ASB13: variants seen among roughly 807,000 people sequenced by gnomAD.
ASB13 encodes ankyrin repeat and SOCS box protein 13.
ASB13 carries 33 observed loss-of-function variants against 28.8 expected under a neutral mutation model. That is an observed-to-expected ratio of 1.15 (90% CI 0.87 to 1.53). The LOEUF (loss-of-function observed/expected upper bound fraction) is 1.53. Ranked by LOEUF, ASB13 falls within the 40% of genes most tolerant of loss-of-function variation. The pLI, the probability that ASB13 is intolerant of heterozygous loss-of-function variation, is 0.00. For missense variants in ASB13, 414 were observed against 390.1 expected, an observed-to-expected ratio of 1.06 and a Z score of -0.52; for synonymous variants, 182 against 172.9, an observed-to-expected ratio of 1.05 and a Z score of -0.41.
At chr10:5,657,952 A>T (rs955823504) in intron 1 of ASB13, among the ~76,000 whole-genome samples, 7 of 148,646 alleles carry the variant, frequency 4.7e-5, no homozygotes, top group African/African-American at 1.5e-4. Flanking sequence ...GTTCGAGACC[A>T]GCATGGCCAA....
At chr10:5,653,584 G>C (rs1835023219) in intron 1 of ASB13, among the ~76,000 whole-genome samples, 1 of 152,158 alleles carries the variant, frequency 6.6e-6, no homozygotes, top group South Asian at 2.1e-4. Context: ...GGCTTCCTCA[G>C]GCTTGTCTAT....
intron 4 of ASB13, 53 bp downstream of exon 4, chr10:5,648,917 C>G (rs1027651779): frequency 6.2e-7 from 1 of 1,602,620 alleles, no homozygotes; most frequent in African/African-American, 1.3e-5. Flanking sequence ...TAAACACCCG[C>G]TCGGGCAAAC....
At chr10:5,662,051 C>T (rs564637977) in intron 1 of ASB13, among the ~76,000 whole-genome samples, 19 of 152,134 alleles carry the variant, frequency 1.2e-4, no homozygotes, top group Non-Finnish European at 2.5e-4. Flanking sequence ...CTGGAAGAAC[C>T]AAGGCAGGCA....
In ASB13 at chr10:5,660,376, C is replaced by A. The variant is rs1835141124; in HGVS notation, c.43+6133G>T. Among the ~76,000 whole-genome samples, 1 of 152,172 alleles carries A rather than the reference C, an allele frequency of 6.6e-6. No homozygotes were observed. Among genetic ancestry groups the A allele is most frequent in the Non-Finnish European group, 1.5e-5 (1 of 68,034 alleles). ...TCTTGCCCCTTTGCTGGGGCCCCGA[C>A]ACCCTCCCATCTAAGGCTGTGCCCT... On this transcript the variant is annotated intron_variant, in intron 1 of 5. Coordinates refer to ENST00000357700, the MANE Select transcript of ASB13 (RefSeq NM_024701.4). The surrounding 1 kb of genome is among the most constrained non-coding windows in gnomAD (Gnocchi z 6.1).
rs1003010476 is a variant in ASB13 at position 5,645,200 on chromosome 10, C to G, written c.518-3239G>C. On this transcript the variant is annotated intron_variant, in intron 4 of 5. Coordinates refer to ENST00000357700, the MANE Select transcript of ASB13 (RefSeq NM_024701.4). This position sits in a 1 kb window ranked among gnomAD's most constrained non-coding sequence, Gnocchi z 5.4. ...CTGGCACAATCCTGGAACATAAACA[C>G]AAATAGCTCAATAGGTGCTTGTTAC... Among the ~76,000 whole-genome samples, 2 of 150,030 alleles carry G rather than the reference C, an allele frequency of 1.3e-5. No homozygotes were observed. Among genetic ancestry groups the G allele is most frequent in the African/African-American group, 4.9e-5 (2 of 40,620 alleles).
Position 5,654,136 on chromosome 10 carries a change from T to C in ASB13, c.44-1086A>G, listed in dbSNP as rs77400378. The stretch of plus-strand genomic sequence containing the variant: ...AAGGACGATGTTAACTGGGTTTTCT[T>C]CTTTTTTTCTTTTTTTTTTTTTTTG... On this transcript the variant is annotated intron_variant, in intron 1 of 5. Coordinates refer to ENST00000357700, the MANE Select transcript of ASB13 (RefSeq NM_024701.4). Among the ~76,000 whole-genome samples, 26 of 109,032 alleles carry C rather than the reference T, an allele frequency of 2.4e-4. No individual in the cohort carries two copies. The East Asian group carries it at 5.4e-3, about 23-fold the overall frequency. The allele number at this position is 109,032 out of a possible 152,430, so 71.5% of individuals were successfully genotyped here. A position where few individuals can be genotyped will look rare whatever the true frequency, so the allele number is the denominator to read the frequency against.
chr10:5,648,363 TAAACACCCATGCAGGC>T lies in ASB13; in HGVS notation c.517+591_517+606del, dbSNP rs1428732918. Among the ~76,000 whole-genome samples, 279 of 61,350 alleles carry T rather than the reference TAAACACCCATGCAGGC, an allele frequency of 4.5e-3. 1 individual carries two copies. The highest frequency in any genetic ancestry group is 0.014 in the African/African-American group (269 of 19,268). The allele number at this position is 61,350 out of a possible 152,430, so 40.2% of individuals were successfully genotyped here. A position where few individuals can be genotyped will look rare whatever the true frequency, so the allele number is the denominator to read the frequency against. ...CCCACGTGGGCAACACCCACGGGGG[TAAACACCCATGCAGGC>T]AAACACCCACTCAGGCAAACACCCC... On this transcript the variant is annotated intron_variant, in intron 4 of 5. Transcript: ENST00000357700.
rs1275776232 is a variant in ASB13, at chr10:5,666,501, G to A, written c.43+8C>T. The A allele has an allele frequency of 5.4e-6, 7 of 1,292,416 alleles. No individual in the cohort carries two copies. Among genetic ancestry groups the A allele is most frequent in the Middle Eastern group, 2.9e-4 (1 of 3,404 alleles). 80.1% of individuals were successfully genotyped at this position (1,292,416 alleles called of 1,614,324 possible). On this transcript the variant is annotated splice_region_variant and intron_variant, in intron 1 of 5. Transcript: ENST00000357700. Reference sequence around the variant, plus strand: ...CCTCGCTCTGACCTCCGCGGCGCCCGCACGTACCCACGTCGCCCAGGAAGC... The same window carrying A: ...CCTCGCTCTGACCTCCGCGGCGCCCACACGTACCCACGTCGCCCAGGAAGC...
rs922083572 is a variant in ASB13, at chr10:5,642,865, G to A, written c.518-904C>T. ...TTGCCGTGTTGGCCAGGTTGGTCTC[G>A]AACTCCTGGCTACGGGCATGAGCCA... On this transcript the variant is annotated intron_variant, in intron 4 of 5. Transcript: ENST00000357700. The surrounding 1 kb of genome is among the most constrained non-coding windows in gnomAD (Gnocchi z 4.1). Among the ~76,000 whole-genome samples the A allele has an allele frequency of 5.3e-5, 8 of 151,928 alleles. No homozygotes were observed. Among genetic ancestry groups the A allele is most frequent in the African/African-American group, 9.7e-5 (4 of 41,380 alleles).
chr10:5,641,537 AGGTGTCGGCCACAGCT>A lies in ASB13; in HGVS notation c.709+217_709+232del, dbSNP rs1834807240. ...GGAGGCACAGGTCTGGTGCCCGGGCAGGTGTCGGCCACAGCTTCTGCTGCTCCACGCCACGGGCCAC... is the reference window on the plus strand; with the variant it reads ...GGAGGCACAGGTCTGGTGCCCGGGCATCTGCTGCTCCACGCCACGGGCCAC... On this transcript the variant is annotated intron_variant, in intron 5 of 5. Coordinates refer to ENST00000357700, the MANE Select transcript of ASB13 (RefSeq NM_024701.4). The surrounding 1 kb of genome is among the most constrained non-coding windows in gnomAD (Gnocchi z 8.4). Among the ~76,000 whole-genome samples the A allele has an allele frequency of 6.6e-6, 1 of 152,232 alleles. No homozygotes were observed. Among genetic ancestry groups the A allele is most frequent in the African/African-American group, 2.4e-5 (1 of 41,466 alleles).
In ASB13 at chr10:5,652,026, C is replaced by CCACACACA. The variant is rs5782851; in HGVS notation, c.232-671_232-664dup. ...CAAAAAAAAAAAAAAAAAAAAAAAA[C>CCACACACA]CACACACACACACACACACACACAC... On this transcript the variant is annotated intron_variant, in intron 2 of 5. Transcript: ENST00000357700. This position sits in a 1 kb window ranked among gnomAD's most constrained non-coding sequence, Gnocchi z 5.0. 4.8e-3 allele frequency among the ~76,000 whole-genome samples: 283 copies of CCACACACA among 59,118 alleles called. 7 individuals carry two copies. The highest frequency in any genetic ancestry group is 0.011 in the African/African-American group (148 of 13,954). The allele number at this position is 59,118 out of a possible 152,430, so 38.8% of individuals were successfully genotyped here. A position where few individuals can be genotyped will look rare whatever the true frequency, so the allele number is the denominator to read the frequency against.
At position 5,639,556 on chromosome 10, in the gene ASB13, A is replaced by C. The variant is rs1213092408; in HGVS notation, c.*1147T>G. 1 of 152,248 alleles carries C rather than the reference A, an allele frequency of 6.6e-6. No individual in the cohort carries two copies. Among genetic ancestry groups the C allele is most frequent in the Non-Finnish European group, 1.5e-5 (1 of 68,080 alleles). 9.4% of individuals were successfully genotyped at this position (152,248 alleles called of 1,614,324 possible). ...AAGGCAAAGACTCCTAGGCCGGCCC[A>C]TGCAGTCTGAATACGCTACCGAATG... On this transcript the variant is annotated 3_prime_UTR_variant, in exon 6 of 6. Transcript: ENST00000357700.
chr10:5,640,942 C>T lies in ASB13; in HGVS notation c.710-112G>A, dbSNP rs180845235. On this transcript the variant is annotated intron_variant, in intron 5 of 5. Transcript: ENST00000357700. ...GAAACGCCTCCCTTTCCCCTGGAAC[C>T]GGGATGTGTCCTGTAGGCCTTCTCT... The T allele has an allele frequency of 3.6e-5, 51 of 1,397,504 alleles. No individual in the cohort carries two copies. The East Asian group carries it at 7.5e-4, about 20-fold the overall frequency. The allele number at this position is 1,397,504 out of a possible 1,614,324, so 86.6% of individuals were successfully genotyped here.
chr10:5,642,387 G>C lies in ASB13; in HGVS notation c.518-426C>G. 1.3e-6 allele frequency: 1 copy of C among 741,418 alleles called. No individual in the cohort carries two copies. The highest frequency in any genetic ancestry group is 2.5e-5 in the South Asian group (1 of 40,780). 45.9% of individuals were successfully genotyped at this position (741,418 alleles called of 1,614,324 possible). ...TTCTTCCTCTTGCGGGCCCAGGACG[G>C]AGGCTCCAGAAATACTGGTTGAATG... On this transcript the variant is annotated intron_variant, in intron 4 of 5. Transcript: ENST00000357700. The surrounding 1 kb of genome is among the most constrained non-coding windows in gnomAD (Gnocchi z 4.1).
chr10:5,643,069 A>T (rs964049868), intron 4 of ASB13, among the ~76,000 whole-genome samples: 2 of 152,244 alleles, frequency 1.3e-5, no homozygotes, highest in African/African-American at 4.8e-5. Context: ...CTGTTCCTCA[A>T]GTAACAAAGG....
chr10:5,647,340 A>G (rs1194459190), intron 4 of ASB13, among the ~76,000 whole-genome samples: 1 of 152,212 alleles, frequency 6.6e-6, no homozygotes, highest in Non-Finnish European at 1.5e-5. Context: ...CCTCAACAAA[A>G]CATTTAAGTT....
intron 4 of ASB13, 60 bp downstream of exon 4, chr10:5,648,910 A>T: frequency 1.3e-6 from 2 of 1,599,350 alleles, no homozygotes; most frequent in Non-Finnish European, 1.7e-6. Flanking sequence ...ACGCAGGTAA[A>T]CACCCGCTCG....
chr10:5,646,213 A>G (rs887259929), intron 4 of ASB13, among the ~76,000 whole-genome samples: 5 of 152,026 alleles, frequency 3.3e-5, no homozygotes, highest in Non-Finnish European at 7.4e-5. Flanking sequence ...TCCAGCCCCC[A>G]CCCCCGACTG....
rs1353209136 is a variant in ASB13 at position 5,641,754 on chromosome 10, C to A, written c.709+16G>T. 1 of 1,557,698 alleles carries A rather than the reference C, an allele frequency of 6.4e-7. No homozygotes were observed. Among genetic ancestry groups the A allele is most frequent in the Admixed American group, 1.9e-5 (1 of 52,480 alleles). ...AAGGCTGGAGGGGATGGGGTGCGCTCGGTGGGGTGTCTCACTTTCGTAGTA... is the reference window on the plus strand; with the variant it reads ...AAGGCTGGAGGGGATGGGGTGCGCTAGGTGGGGTGTCTCACTTTCGTAGTA... On this transcript the variant is annotated intron_variant, in intron 5 of 5. Transcript: ENST00000357700. The surrounding 1 kb of genome is among the most constrained non-coding windows in gnomAD (Gnocchi z 8.4).
Sources: gnomAD v4.1 joint callset for allele counts (sites outside exome capture counted in the v4.1 genomes callset) on GRCh38, gnomAD v4.1.1 for gene constraint, Gnocchi (gnomAD v3.1) non-coding constraint, MANE v1.5 for transcripts, NCBI Gene and HGNC (gene_info 2026-07-23, HGNC 2026-07-21) for gene names.